FAAH2: variants seen among roughly 807,000 people sequenced by gnomAD.
FAAH2 encodes fatty-acid amide hydrolase 2.
Under a neutral mutation model 36.9 loss-of-function variants are expected in FAAH2, and 60 were observed. That is an observed-to-expected ratio of 1.63 (90% CI 1.32 to 2.02). The LOEUF is 2.02. Ranked by LOEUF, FAAH2 falls within the 30% of genes most tolerant of loss-of-function variation. The pLI is 0.00. For missense variants in FAAH2, 689 were observed against 397.5 expected, an observed-to-expected ratio of 1.73 and a Z score of -6.23; for synonymous variants, 214 against 143.8, an observed-to-expected ratio of 1.49 and a Z score of -3.49.
At chrX:57,204,013 C>A in the FAAH2 span, among the ~76,000 whole-genome samples, 2 of 111,183 alleles carry the variant, frequency 1.8e-5, no homozygotes, top group Admixed American at 9.5e-5. Context: ...GCATTTCTAC[C>A]ATCTGACTGT....
chrX:57,313,715 A>G (rs1017328674), intron 3 of FAAH2, among the ~76,000 whole-genome samples: 1 of 111,124 alleles, frequency 9.0e-6, no homozygotes, highest in African/African-American at 3.3e-5. Flanking sequence ...CTGAGAGAAT[A>G]TTTTTCAACT....
intron 2 of FAAH2, among the ~76,000 whole-genome samples, chrX:57,301,607 T>TATA (rs200729067): frequency 0.018 from 1,788 of 100,209 alleles, 44 homozygotes; most frequent in African/African-American, 0.062. Context: ...AAACTTAAAG[T>TATA]ATAATAATAA....
At chrX:57,247,517 G>T in the FAAH2 span, among the ~76,000 whole-genome samples, 1 of 110,934 alleles carries the variant, frequency 9.0e-6, no homozygotes, top group African/African-American at 3.3e-5. Flanking sequence ...CAGCACCAGA[G>T]CAGGCCATTT....
Position 57,387,475 on chromosome X carries a change from G to A in FAAH2, c.996+6446G>A, listed in dbSNP as rs372047819. Among the ~76,000 whole-genome samples, 5 of 111,263 alleles carry A rather than the reference G, an allele frequency of 4.5e-5. No homozygotes were observed. The South Asian group carries it at 1.9e-3, about 42-fold the overall frequency. On this transcript the variant is annotated intron_variant, in intron 7 of 10. Transcript: ENST00000374900. ...GCAATAACCAGATAAAAAGTAGAAT[G>A]AGGAAAACAGAGAAGACAAACAGAA... is the stretch of plus-strand genomic sequence containing the variant.
At chrX:57,431,805 A>G (rs1328020335) in intron 7 of FAAH2, 113 bp from the exon 8 acceptor site, 2 of 76,130 alleles carry the variant, frequency 2.6e-5, no homozygotes, top group Non-Finnish European at 4.5e-5. Flanking sequence ...TGGTGTTTCC[A>G]TGGGGCAATG....
chrX:57,164,806 T>C, the FAAH2 span, among the ~76,000 whole-genome samples: 1 of 112,503 alleles, frequency 8.9e-6, no homozygotes, highest in Non-Finnish European at 1.9e-5. Flanking sequence ...ACTTTCAAAA[T>C]AATAAGCTGA....
the FAAH2 span, among the ~76,000 whole-genome samples, chrX:57,172,897 G>A: frequency 5.4e-5 from 6 of 111,977 alleles, no homozygotes; most frequent in Non-Finnish European, 9.4e-5. Flanking sequence ...CCACCTGTGT[G>A]TCTGACTGCT....
chrX:57,321,207 G>A (rs1266420854), intron 3 of FAAH2, among the ~76,000 whole-genome samples: 7 of 110,064 alleles, frequency 6.4e-5, no homozygotes, highest in Non-Finnish European at 1.3e-4. Context: ...GGAAACCATC[G>A]TTCTTAGCAA....
At chrX:57,432,063 C>A in intron 8 of FAAH2, 26 bp downstream of exon 8, 1 of 1,160,409 alleles carries the variant, frequency 8.6e-7, no homozygotes, top group Non-Finnish European at 1.2e-6. Context: ...TCTTTACTTA[C>A]TTTTTTCTTT....
At chrX:57,439,561 C>T (rs1172788055) in intron 8 of FAAH2, among the ~76,000 whole-genome samples, 1 of 111,355 alleles carries the variant, frequency 9.0e-6, no homozygotes, top group East Asian at 2.8e-4. Context: ...TGCCTGTTCA[C>T]TCTGATGGTA....
intron 8 of FAAH2, among the ~76,000 whole-genome samples, chrX:57,441,914 C>A (rs994151405): frequency 1.5e-4 from 17 of 111,589 alleles, no homozygotes; most frequent in Middle Eastern, 4.6e-3. Context: ...TATGGTAGAG[C>A]TGTTTTGAGT....
At chrX:57,338,090 C>T (rs1029926628) in intron 4 of FAAH2, among the ~76,000 whole-genome samples, 1 of 111,939 alleles carries the variant, frequency 8.9e-6, no homozygotes, top group African/African-American at 3.2e-5. Context: ...GAAGAGACCA[C>T]CAAACAGGCT....
chrX:57,257,172 C>T, the FAAH2 span, among the ~76,000 whole-genome samples: 2 of 112,012 alleles, frequency 1.8e-5, no homozygotes, highest in Admixed American at 9.4e-5. Context: ...TACTATTTGA[C>T]TTAGCAATCC....
At chrX:57,365,641 T>G (rs1033460395) in intron 5 of FAAH2, among the ~76,000 whole-genome samples, 6 of 112,141 alleles carry the variant, frequency 5.4e-5, no homozygotes, top group Non-Finnish European at 9.4e-5. Flanking sequence ...GACAATATAC[T>G]CCAATATTTC....
the FAAH2 span, among the ~76,000 whole-genome samples, chrX:57,248,271 C>T: frequency 2.7e-5 from 3 of 111,954 alleles, no homozygotes; most frequent in Non-Finnish European, 5.6e-5. Context: ...AGGTAATTTT[C>T]TGCATTTGTT....
chrX:57,216,609 C>T, the FAAH2 span, among the ~76,000 whole-genome samples: 35 of 47,024 alleles, frequency 7.4e-4, 1 homozygote, highest in African/African-American at 2.1e-3. Flanking sequence ...TATATATATA[C>T]GTATATATAT....
chrX:57,199,701 G>A, the FAAH2 span, among the ~76,000 whole-genome samples: 1 of 111,352 alleles, frequency 9.0e-6, no homozygotes, highest in Non-Finnish European at 1.9e-5. Context: ...AGCTATTATT[G>A]TGTTGTAATC....
chrX:57,438,001 G>A (rs1205867553), intron 8 of FAAH2, among the ~76,000 whole-genome samples: 3 of 99,274 alleles, frequency 3.0e-5, no homozygotes, highest in Admixed American at 1.1e-4. Flanking sequence ...ATATACATAC[G>A]TATATGTATA....
intron 10 of FAAH2, among the ~76,000 whole-genome samples, chrX:57,449,245 A>G (rs2056739969): frequency 8.9e-6 from 1 of 112,110 alleles, no homozygotes; most frequent in African/African-American, 3.2e-5. Flanking sequence ...GCCCCTGGAC[A>G]TGTACTAGGT....
Sources: allele counts gnomAD v4.1 joint callset (sites outside exome capture counted in the v4.1 genomes callset), GRCh38; gene constraint gnomAD v4.1.1; transcripts MANE v1.5; gene names NCBI Gene and HGNC (gene_info 2026-07-23, HGNC 2026-07-21).